KCNN3: variants seen among roughly 807,000 people sequenced by gnomAD.
KCNN3 encodes the protein small conductance calcium-activated potassium channel protein 3.
A neutral mutation model predicts 62.9 loss-of-function variants in KCNN3; 16 were observed. That is an observed-to-expected ratio of 0.25 (90% CI 0.17 to 0.39). The LOEUF (loss-of-function observed/expected upper bound fraction) is 0.39, where lower values mean the gene tolerates loss of function less well. Among genes scored for constraint, KCNN3 ranks in the 10% least tolerant of loss-of-function variants. The pLI, the probability that KCNN3 is intolerant of heterozygous loss-of-function variation, is 1.00. For missense variants in KCNN3, 599 were observed against 949.4 expected (o/e 0.63, Z 4.85); for synonymous variants, 370 against 389.2 (o/e 0.95, Z 0.58).
chr1:154,848,143 G>A (rs114485418), intron 1 of KCNN3, among the ~76,000 whole-genome samples: 417 of 152,248 alleles, frequency 2.7e-3, no homozygotes, highest in Admixed American at 5.4e-3. Context: ...TGTGGGCACC[G>A]TGCCATCCTG....
chr1:154,745,880 A>G (rs924705054), intron 3 of KCNN3, among the ~76,000 whole-genome samples: 3 of 152,198 alleles, frequency 2.0e-5, no homozygotes, highest in African/African-American at 7.2e-5. Context: ...CATGGGAAGC[A>G]TGTCTTCCAC....
chr1:154,745,777 T>C (rs1272867179), intron 3 of KCNN3, among the ~76,000 whole-genome samples: 1 of 152,172 alleles, frequency 6.6e-6, no homozygotes. Context: ...TTCTTCTTAT[T>C]AAAAAAATAT....
chr1:154,813,968 G>T (rs530551809), intron 2 of KCNN3, among the ~76,000 whole-genome samples: 2 of 152,240 alleles, frequency 1.3e-5, no homozygotes, highest in Admixed American at 1.3e-4. Context: ...AAACCAAAAT[G>T]TCACACAGAG....
intron 2 of KCNN3, among the ~76,000 whole-genome samples, chr1:154,790,126 C>T (rs1649447171): frequency 6.6e-6 from 1 of 152,136 alleles, no homozygotes. Context: ...TATATGGCAA[C>T]ATATATGTTG....
At chr1:154,762,002 G>C (rs895400349) in intron 3 of KCNN3, among the ~76,000 whole-genome samples, 4 of 141,298 alleles carry the variant, frequency 2.8e-5, no homozygotes, top group Non-Finnish European at 4.7e-5. Flanking sequence ...CAAACACGTT[G>C]ATTTGATTTT....
At chr1:154,777,335 G>C (rs1239120091) in intron 2 of KCNN3, among the ~76,000 whole-genome samples, 1 of 152,208 alleles carries the variant, frequency 6.6e-6, no homozygotes, top group East Asian at 1.9e-4. Flanking sequence ...GCCTGGCACA[G>C]AGTGGGCAGT....
At chr1:154,805,399 TC>T (rs993850129) in intron 2 of KCNN3, among the ~76,000 whole-genome samples, 19 of 152,118 alleles carry the variant, frequency 1.2e-4, no homozygotes, top group African/African-American at 4.3e-4. Context: ...TAAATCAGAA[TC>T]CCTAGGGGTG....
intron 1 of KCNN3, among the ~76,000 whole-genome samples, chr1:154,866,372 C>T (rs1652957286): frequency 6.6e-6 from 1 of 152,162 alleles, no homozygotes; most frequent in African/African-American, 2.4e-5. Context: ...CAGATACGTG[C>T]CTTACACGTC....
chr1:154,840,092 C>T (rs1440033781), intron 1 of KCNN3, among the ~76,000 whole-genome samples: 1 of 151,972 alleles, frequency 6.6e-6, no homozygotes, highest in Non-Finnish European at 1.5e-5. Flanking sequence ...CTAGTATTTC[C>T]TAAAAGGTCA....
chr1:154,803,080 G>A (rs139730469), intron 2 of KCNN3, among the ~76,000 whole-genome samples: 12 of 152,226 alleles, frequency 7.9e-5, no homozygotes, highest in Non-Finnish European at 1.5e-4. Flanking sequence ...GAGTCACCTG[G>A]GCTGCAGCTG....
At chr1:154,723,064 C>T (rs1198596617) in intron 5 of KCNN3, among the ~76,000 whole-genome samples, 1 of 152,162 alleles carries the variant, frequency 6.6e-6, no homozygotes, top group Admixed American at 6.5e-5. Flanking sequence ...GCCACTCCAG[C>T]TTGATACAAT....
At chr1:154,857,652 G>C (rs965965174) in intron 1 of KCNN3, among the ~76,000 whole-genome samples, 1 of 152,202 alleles carries the variant, frequency 6.6e-6, no homozygotes, top group South Asian at 2.1e-4. Flanking sequence ...ACACTCCCCT[G>C]TGTGCAAATC....
intron 2 of KCNN3, among the ~76,000 whole-genome samples, chr1:154,779,394 C>T (rs534734278): frequency 1.3e-5 from 2 of 152,288 alleles, no homozygotes; most frequent in African/African-American, 4.8e-5. Flanking sequence ...CTTCCCACTC[C>T]ACTCAGTTAT....
Position 154,869,339 on chromosome 1 carries a change from T to C in KCNN3, c.626A>G (p.Gln209Arg), listed in dbSNP as rs756586810. The C allele has an allele frequency of 1.1e-5, 17 of 1,613,812 alleles. No individual in the cohort carries two copies. In the South Asian group the frequency reaches 1.5e-4, roughly 15 times the overall value. ...IEAETEGQPL[Q>R]LFSPSNPPEI... ...CGGGGGGTTGCTAGGGCTGAAAAGC[T>C]GGAGGGGTTGGCCCTCAGTCTCGGC... The change falls in exon 1 of 8, where the codon CAG (glutamine) becomes CGG (arginine). Residue 209 changes from glutamine to arginine, a missense_variant. Gln to Arg is a conservative substitution (Grantham distance 43). This residue lies in a region of KCNN3 where 80 missense variants were observed against 85.4 expected (regional missense o/e 0.94). Transcript: ENST00000271915. This position sits in a 1 kb window ranked among gnomAD's most constrained non-coding sequence, Gnocchi z 6.1.
At chr1:154,736,950 G>A (rs1415672425) in intron 3 of KCNN3, 1 of 690,778 alleles carries the variant, frequency 1.4e-6, no homozygotes, top group South Asian at 1.5e-5. Context: ...TCTCTGGTGG[G>A]GGCTACGGAA....
At chr1:154,857,918 T>A (rs1248083844) in intron 1 of KCNN3, among the ~76,000 whole-genome samples, 2 of 152,172 alleles carry the variant, frequency 1.3e-5, no homozygotes, top group East Asian at 3.9e-4. Flanking sequence ...GAAAAATAAG[T>A]TCCCATGTAA....
At chr1:154,816,976 G>T (rs2101889966) in intron 2 of KCNN3, among the ~76,000 whole-genome samples, 1 of 152,304 alleles carries the variant, frequency 6.6e-6, no homozygotes, top group Admixed American at 6.5e-5. Flanking sequence ...GTGCTCTGCA[G>T]TTCCCCATCT....
chr1:154,730,259 C>G (rs1348179266), intron 4 of KCNN3, among the ~76,000 whole-genome samples: 1 of 152,208 alleles, frequency 6.6e-6, no homozygotes, highest in Non-Finnish European at 1.5e-5. Context: ...GCAAGTTGTT[C>G]AGACAATTAT....
Position 154,702,628 on chromosome 1 carries a change from CAGCT to C in KCNN3, c.*5344_*5347del, listed in dbSNP as rs1699875988. 6.8e-6 allele frequency: 1 copy of C among 146,666 alleles called. No individual in the cohort carries two copies. The highest frequency in any genetic ancestry group is 1.5e-5 in the Non-Finnish European group (1 of 67,138). 9.1% of individuals were successfully genotyped at this position (146,666 alleles called of 1,614,324 possible). ...ATTCAAAAACTGAGACAACATGACA[CAGCT>C]AGAGAATGTTGTTTATTCCTTGTCC... On this transcript the variant is annotated 3_prime_UTR_variant, in exon 8 of 8. Transcript: ENST00000271915.
Sources: gnomAD v4.1 joint callset for allele counts (sites outside exome capture counted in the v4.1 genomes callset) on GRCh38, gnomAD v4.1.1 for gene constraint, gnomAD v4.1.1 regional missense constraint, Gnocchi (gnomAD v3.1) non-coding constraint, MANE v1.5 for transcripts, NCBI Gene and HGNC (gene_info 2026-07-23, HGNC 2026-07-21) for gene names.